The following EYA1 variants were observed in gnomAD, a reference collection of about 807,000 sequenced individuals.
EYA1 encodes protein phosphatase EYA1.
In EYA1, 16 loss-of-function variants were observed where a neutral mutation model predicts 82.0. The observed-to-expected ratio is 0.20, with a 90% CI of 0.13 to 0.30. EYA1 has a LOEUF of 0.30. EYA1 is among the 10% of genes least tolerant of loss of function. The pLI, the probability that EYA1 is intolerant of heterozygous loss-of-function variation, is 1.00. For synonymous variants in EYA1, 261 were observed against 264.4 expected (o/e 0.99, Z 0.12); for missense variants, 633 against 730.7 (o/e 0.87, Z 1.54).
At chr8:71,280,726 G>A (rs1817718730) in intron 9 of EYA1, among the ~76,000 whole-genome samples, 1 of 152,148 alleles carries the variant, frequency 6.6e-6, no homozygotes. Context: ...GATAAAAGGA[G>A]AACAATGTTG....
At chr8:71,439,168 T>C (rs776223635) in intron 2 of EYA1, among the ~76,000 whole-genome samples, 6 of 152,152 alleles carry the variant, frequency 3.9e-5, no homozygotes, top group Non-Finnish European at 8.8e-5. Flanking sequence ...TAAAACCTTT[T>C]TTCCTGCTTA....
At chr8:71,200,562 T>C (rs1277203635) in intron 17 of EYA1, among the ~76,000 whole-genome samples, 1 of 152,226 alleles carries the variant, frequency 6.6e-6, no homozygotes, top group Non-Finnish European at 1.5e-5. Context: ...TCTGTATATA[T>C]GTTATTGAGT....
intron 2 of EYA1, among the ~76,000 whole-genome samples, chr8:71,412,935 G>A (rs1416358851): frequency 6.6e-6 from 1 of 152,128 alleles, no homozygotes; most frequent in Non-Finnish European, 1.5e-5. Context: ...TACCTTTTGG[G>A]GAGCTGTGCT....
At chr8:71,483,393 T>C (rs1810321109) in intron 2 of EYA1, among the ~76,000 whole-genome samples, 1 of 152,160 alleles carries the variant, frequency 6.6e-6, no homozygotes, top group South Asian at 2.1e-4. Context: ...GTGTGTTTGA[T>C]TGAAACCAAT....
intron 2 of EYA1, among the ~76,000 whole-genome samples, chr8:71,476,421 G>T (rs73300385): frequency 1.3e-5 from 2 of 151,938 alleles, no homozygotes; most frequent in African/African-American, 4.8e-5. Context: ...TACACTTAAT[G>T]TACTTTGTGC....
chr8:71,301,264 C>T (rs1366108317), intron 7 of EYA1, among the ~76,000 whole-genome samples: 3 of 152,178 alleles, frequency 2.0e-5, no homozygotes, highest in South Asian at 2.1e-4. Context: ...GGACTTTGGA[C>T]AAGTCTCCCA....
intron 2 of EYA1, among the ~76,000 whole-genome samples, chr8:71,370,873 C>A (rs1437984753): frequency 6.6e-6 from 1 of 152,124 alleles, no homozygotes; most frequent in African/African-American, 2.4e-5. Flanking sequence ...GATGCTCCCA[C>A]CTTGGCCTCC....
intron 9 of EYA1, among the ~76,000 whole-genome samples, chr8:71,273,138 C>G (rs1273681608): frequency 2.6e-5 from 4 of 152,200 alleles, no homozygotes; most frequent in African/African-American, 9.6e-5. Context: ...CAGCTCTATA[C>G]CTCTTATTTA....
chr8:71,501,822 T>G (rs1811829981), intron 2 of EYA1, among the ~76,000 whole-genome samples: 1 of 152,238 alleles, frequency 6.6e-6, no homozygotes, highest in South Asian at 2.1e-4. Flanking sequence ...CTTAACTATT[T>G]TAGCTAAAGA....
chr8:71,492,756 C>T (rs548878621), intron 2 of EYA1, among the ~76,000 whole-genome samples: 2 of 152,260 alleles, frequency 1.3e-5, no homozygotes, highest in East Asian at 1.9e-4. Context: ...TGAGCCACTG[C>T]GCCCGGCCTT....
At chr8:71,247,150 TAGCACTACCCACACCCTTCC>T (rs1254950429) in intron 11 of EYA1, among the ~76,000 whole-genome samples, 1 of 151,444 alleles carries the variant, frequency 6.6e-6, no homozygotes, top group Non-Finnish European at 1.5e-5. Flanking sequence ...CTCACCCCCT[TAGCACTACCCACACCCTTCC>T]AGCACTACCC....
In EYA1 at chr8:71,442,679, T is replaced by C. The variant is rs564677444; in HGVS notation, c.34-86168A>G. ...GGCAGGTACTTTGCTATGGGTTTCA[T>C]ATGCATTAACTCAATTCGTCTTTAT... On this transcript the variant is annotated intron_variant, in intron 2 of 18. Coordinates refer to the EYA1 transcript ENST00000643681. Among the ~76,000 whole-genome samples, 11 of 152,352 alleles carry C rather than the reference T, an allele frequency of 7.2e-5. No homozygotes were observed. In the South Asian group the frequency reaches 2.1e-3, roughly 29 times the overall value.
chr8:71,398,517 C>T (rs1406344298), intron 2 of EYA1, among the ~76,000 whole-genome samples: 1 of 152,192 alleles, frequency 6.6e-6, no homozygotes. Flanking sequence ...TTCTAACAGT[C>T]AGGACCCTCA....
intron 2 of EYA1, among the ~76,000 whole-genome samples, chr8:71,510,138 C>G (rs1327576235): frequency 2.0e-5 from 3 of 152,062 alleles, no homozygotes; most frequent in African/African-American, 7.2e-5. Flanking sequence ...AAACATGATA[C>G]TAGCAGAGGC....
At chr8:71,272,754 A>T (rs1452954238) in intron 9 of EYA1, among the ~76,000 whole-genome samples, 1 of 152,210 alleles carries the variant, frequency 6.6e-6, no homozygotes, top group Non-Finnish European at 1.5e-5. Flanking sequence ...TACATACATC[A>T]GAATATCTCC....
At chr8:71,309,035 G>T (rs1821043998) in intron 7 of EYA1, among the ~76,000 whole-genome samples, 1 of 152,090 alleles carries the variant, frequency 6.6e-6, no homozygotes, top group South Asian at 2.1e-4. Flanking sequence ...AGGCCAGATG[G>T]GCTATTTAAA....
intron 2 of EYA1, among the ~76,000 whole-genome samples, chr8:71,481,555 C>T (rs1252192011): frequency 2.0e-5 from 3 of 152,100 alleles, no homozygotes; most frequent in Admixed American, 1.3e-4. Context: ...ATGCAAGATG[C>T]TGAATATGGG....
chr8:71,418,686 A>C (rs947258612), intron 2 of EYA1, among the ~76,000 whole-genome samples: 1 of 152,212 alleles, frequency 6.6e-6, no homozygotes, highest in Admixed American at 6.5e-5. Context: ...TGAACACCAT[A>C]TTATATGCTA....
intron 11 of EYA1, among the ~76,000 whole-genome samples, chr8:71,246,011 G>T (rs1813047131): frequency 6.6e-6 from 1 of 152,184 alleles, no homozygotes; most frequent in African/African-American, 2.4e-5. Flanking sequence ...GGATATGCAG[G>T]TATTTGCAGT....
Sources: allele counts gnomAD v4.1 joint callset (sites outside exome capture counted in the v4.1 genomes callset), GRCh38; gene constraint gnomAD v4.1.1; transcripts MANE v1.5; gene names NCBI Gene and HGNC (gene_info 2026-07-23, HGNC 2026-07-21).